CT47B1: variants seen among roughly 807,000 people sequenced by gnomAD.
CT47B1 encodes the protein cancer/testis antigen family 47 member B1.
A neutral mutation model predicts 12.8 loss-of-function variants in CT47B1; 24 were observed. The observed-to-expected ratio is 1.87, with a 90% CI of 1.36 to 2.63. CT47B1 has a LOEUF of 2.63. CT47B1 is among the 30% of genes most tolerant of loss of function. CT47B1 has a pLI of 0.00. For missense variants in CT47B1, 523 were observed against 271.3 expected (o/e 1.93, Z -6.52); for synonymous variants, 228 against 133.3 (o/e 1.71, Z -4.89).
Position 120,874,968 on chromosome X carries a change from TCTC to T in CT47B1, c.700_702del (p.Glu234del), listed in dbSNP as rs759769675. 1 of 1,199,588 alleles carries T rather than the reference TCTC, an allele frequency of 8.3e-7. No homozygotes were observed. The highest frequency in any genetic ancestry group is 1.1e-6 in the Non-Finnish European group (1 of 886,124). On this transcript the variant is annotated inframe_deletion, in exon 1 of 3. Transcript: ENST00000371311. The stretch of plus-strand genomic sequence containing the variant: ...TCCTCTGTGGCCTCCTCTGTGAGCT[TCTC>T]CTCTGCGGCCTCCTCTGGGGGTTTC...
Position 120,875,401 on chromosome X carries a change from C to T in CT47B1, c.270G>A (p.Ala90=), listed in dbSNP as rs768211619. The change falls in exon 1 of 3, where the codon GCG becomes GCA. Residue 90 remains alanine, a synonymous_variant. Transcript: ENST00000371311. ...CTTCCTCCTCCTCCTCTTCCTCCGT[C>T]GCGGGCCCGATATCTGAGTCCTCCT... ...SAEEDSDIGP[A]TEEEEEEEEG... The T allele has an allele frequency of 3.6e-5, 43 of 1,207,001 alleles. No individual in the cohort carries two copies. The highest frequency in any genetic ancestry group is 3.1e-4 in the African/African-American group (18 of 57,430).
chrX:120,874,705 G>C (rs1172930908), intron 1 of CT47B1, among the ~76,000 whole-genome samples, 191 bp downstream of exon 1: 1 of 110,993 alleles, frequency 9.0e-6, no homozygotes, highest in African/African-American at 3.3e-5. Context: ...TGTCATTAGA[G>C]AATTGGGCTT....
chrX:120,874,508 C>T (rs1923859619), intron 1 of CT47B1, among the ~76,000 whole-genome samples: 1 of 111,009 alleles, frequency 9.0e-6, no homozygotes, highest in African/African-American at 3.3e-5. Flanking sequence ...CTTTGAAAAG[C>T]CATGAACCAA....
intron 1 of CT47B1, among the ~76,000 whole-genome samples, chrX:120,874,655 T>C (rs1440039925): frequency 9.0e-6 from 1 of 110,752 alleles, no homozygotes. Context: ...CTATCAAATA[T>C]AGGTTGGTAG....
intron 1 of CT47B1, among the ~76,000 whole-genome samples, chrX:120,874,460 T>A (rs150574613): frequency 3.6e-5 from 4 of 111,103 alleles, no homozygotes; most frequent in African/African-American, 1.3e-4. Context: ...CTGTATCACT[T>A]CATCATTTGG....
At position 120,875,295 on chromosome X, in the gene CT47B1, A is replaced by G. The variant is rs202054160; in HGVS notation, c.376T>C (p.Tyr126His). ...PAAGIGFVFL[Y>H]LVHSLLRRLY... ...CGGCGGAGAAGGGAGTGGACCAGGT[A>G]CAGGAACACGAAGCCAATGCCCGCC... Residue 126 changes from tyrosine to histidine, a missense_variant, in exon 1 of 3, where the codon TAC becomes CAC. Physicochemically the swap from Tyr to His is moderately conservative, Grantham distance 83 (BLOSUM62 2). Transcript: ENST00000371311. 8.3e-7 allele frequency: 1 copy of G among 1,211,298 alleles called. No homozygotes were observed. Among genetic ancestry groups the G allele is most frequent in the South Asian group, 1.8e-5 (1 of 56,997 alleles).
Position 120,874,998 on chromosome X carries a change from C to G in CT47B1, c.673G>C (p.Glu225Gln), listed in dbSNP as rs1315400399. ...TCTGCGGCCTCCTCTGGGGGTTTCT[C>G]ATCTGCGGCCTCCTCCGCGGGCTCC... ...AREPAEEAAD[E>Q]KPPEEAAEEK... Residue 225 changes from glutamate to glutamine, a missense_variant, in exon 1 of 3, where the codon GAG becomes CAG. Glu to Gln is a conservative substitution (Grantham distance 29). Coordinates refer to ENST00000371311, the MANE Select transcript of CT47B1 (RefSeq NM_001145718.3). 3 of 1,210,259 alleles carry G rather than the reference C, an allele frequency of 2.5e-6. No homozygotes were observed. Among genetic ancestry groups the G allele is most frequent in the Non-Finnish European group, 3.4e-6 (3 of 894,845 alleles).
At position 120,874,900 on chromosome X, in the gene CT47B1, G is replaced by T. The variant is rs750850289; in HGVS notation, c.771C>A (p.Pro257=). 26 of 1,207,289 alleles carry T rather than the reference G, an allele frequency of 2.2e-5. No individual in the cohort carries two copies. The highest frequency in any genetic ancestry group is 2.7e-5 in the Non-Finnish European group (24 of 894,297). Residue 257 remains proline (P), a synonymous_variant, in exon 1 of 3, where the codon CCC becomes CCA. Coordinates refer to ENST00000371311, the MANE Select transcript of CT47B1 (RefSeq NM_001145718.3). ...EEPTSEEAVA[P]EEVTKSQPEK... ...TGCTGCCGCTAGCCCCCTTACCCTC[G>T]GGGGCCACGGCCTCCTCTGAGGTCG...
Position 120,875,062 on chromosome X carries a change from T to C in CT47B1, c.609A>G (p.Pro203=). The C allele has an allele frequency of 8.3e-7, 1 of 1,209,713 alleles. No homozygotes were observed. The highest frequency in any genetic ancestry group is 1.1e-6 in the Non-Finnish European group (1 of 894,746). Residue 203 remains proline, a synonymous_variant, in exon 1 of 3, where the codon CCA becomes CCG. Transcript: ENST00000371311. ...CCAGGTCAGCTGGCACTGCAGGCTCTGGGACCGACGCGGCCTCCTGGACCG... is the reference window on the plus strand; with the variant it reads ...CCAGGTCAGCTGGCACTGCAGGCTCCGGGACCGACGCGGCCTCCTGGACCG... ...AASVQEAASV[P]EPAVPADLAE...
In CT47B1 at chrX:120,875,194, C is replaced by G; in HGVS notation, c.477G>C (p.Val159=). The change falls in exon 1 of 3, where the codon GTG becomes GTC. Residue 159 remains valine (V), a synonymous_variant. Coordinates refer to ENST00000371311, the MANE Select transcript of CT47B1 (RefSeq NM_001145718.3). Reference sequence around the variant, plus strand: ...GGGGAGGGTTGTCCCAGAGGTTGGGCACAGCAGCGTGGGGCCCCACCATCA... The same window carrying G: ...GGGGAGGGTTGTCCCAGAGGTTGGGGACAGCAGCGTGGGGCCCCACCATCA... The part of the protein sequence containing the change: ...SRLMVGPHAA[V]PNLWDNPPLL... The G allele has an allele frequency of 8.3e-7, 1 of 1,211,236 alleles. No homozygotes were observed. The highest frequency in any genetic ancestry group is 1.1e-6 in the Non-Finnish European group (1 of 894,900).
Position 120,875,474 on chromosome X carries a change from C to A in CT47B1, c.197G>T (p.Gly66Val). ...TGCGGCCAGGCCTGCCGCCTGCTCA[C>A]CCTCCTCCTCCCCGAGGCCTTCCAC... ...GPVEGLGEEEGEQAAGLAAVP... is the reference protein window; with the variant it reads ...GPVEGLGEEEVEQAAGLAAVP... The change falls in exon 1 of 3, where the codon GGT becomes GTT. Residue 66 changes from glycine to valine, a missense_variant. Physicochemically the swap from Gly to Val is moderately radical, Grantham distance 109. Transcript: ENST00000371311. 1 of 1,203,446 alleles carries A rather than the reference C, an allele frequency of 8.3e-7. No individual in the cohort carries two copies. Among genetic ancestry groups the A allele is most frequent in the Non-Finnish European group, 1.1e-6 (1 of 894,159 alleles).
rs777275990 is a variant in CT47B1, at chrX:120,875,347, C to T, written c.324G>A (p.Leu108=). Residue 108 remains leucine, a synonymous_variant, in exon 1 of 3, where the codon TTG becomes TTA. Coordinates refer to ENST00000371311, the MANE Select transcript of CT47B1 (RefSeq NM_001145718.3). The part of the protein sequence containing the change: ...EEGNEAANFD[L]AVATRRYPAA... ...CCGGGTACCGACGGGTGGCCACCGCCAAGTCGAAGTTGGCCGCCTCGTTCC... is the reference window on the plus strand; with the variant it reads ...CCGGGTACCGACGGGTGGCCACCGCTAAGTCGAAGTTGGCCGCCTCGTTCC... 12 of 1,209,356 alleles carry T rather than the reference C, an allele frequency of 9.9e-6. No individual in the cohort carries two copies. The Admixed American group carries it at 2.4e-4, about 24-fold the overall frequency.
In CT47B1 at chrX:120,875,090, G is replaced by A. The variant is rs763219390; in HGVS notation, c.581C>T (p.Ala194Val). The change falls in exon 1 of 3, where the codon GCG becomes GTG. Residue 194 changes from alanine to valine, a missense_variant. Coordinates refer to ENST00000371311, the MANE Select transcript of CT47B1 (RefSeq NM_001145718.3). ...GACCGACGCGGCCTCCTGGACCGAC[G>A]CAGCCTCCTGGATCAGGCCGAGGCC... ...GEGLGLIQEA[A>V]SVQEAASVPE... 1.9e-5 allele frequency: 23 copies of A among 1,208,098 alleles called. No homozygotes were observed. The South Asian group carries it at 2.5e-4, about 13-fold the overall frequency.
rs1477304787 is a variant in CT47B1 at position 120,875,537 on chromosome X, A to G, written c.134T>C (p.Met45Thr). 8.4e-7 allele frequency: 1 copy of G among 1,193,190 alleles called. No individual in the cohort carries two copies. The highest frequency in any genetic ancestry group is 3.0e-5 in the East Asian group (1 of 33,458). ...GGDSGPDSSDMVPAAEVVGVA... is the reference protein window; with the variant it reads ...GGDSGPDSSDTVPAAEVVGVA... ...TCCGACCACCTCGGCCGCAGGCACCATGTCGCTGCTGTCGGGGCCGGAGTC... is the reference window on the plus strand; with the variant it reads ...TCCGACCACCTCGGCCGCAGGCACCGTGTCGCTGCTGTCGGGGCCGGAGTC... The change falls in exon 1 of 3, where the codon ATG becomes ACG. Residue 45 changes from methionine (M) to threonine (T), a missense_variant. Physicochemically the swap from Met to Thr is moderately conservative, Grantham distance 81 (BLOSUM62 -1). Transcript: ENST00000371311.
Position 120,875,224 on chromosome X carries a change from G to C in CT47B1, c.447C>G (p.Ser149Arg), listed in dbSNP as rs748541503. Residue 149 changes from serine (S) to arginine (R), a missense_variant, in exon 1 of 3, where the codon AGC (serine) becomes AGG (arginine). By Grantham distance (110) the Ser-to-Arg change is moderately radical. Coordinates refer to ENST00000371311, the MANE Select transcript of CT47B1 (RefSeq NM_001145718.3). ...DHIQIANRHLSRLMVGPHAAV... is the reference protein window; with the variant it reads ...DHIQIANRHLRRLMVGPHAAV... ...CAGCGTGGGGCCCCACCATCAGGCG[G>C]CTGAGGTGACGGTTCGCTATCTGGA... 5.0e-6 allele frequency: 6 copies of C among 1,210,299 alleles called. No individual in the cohort carries two copies. In the African/African-American group the frequency reaches 1.0e-4, roughly 21 times the overall value.
At position 120,874,993 on chromosome X, in the gene CT47B1, T is replaced by A; in HGVS notation, c.678A>T (p.Lys226Asn). ...TCTCCTCTGCGGCCTCCTCTGGGGG[T>A]TTCTCATCTGCGGCCTCCTCCGCGG... ...REPAEEAADEKPPEEAAEEKL... is the reference protein window; with the variant it reads ...REPAEEAADENPPEEAAEEKL... The change falls in exon 1 of 3, where the codon AAA becomes AAT. Residue 226 changes from lysine to asparagine, a missense_variant. Transcript: ENST00000371311. The A allele has an allele frequency of 8.3e-7, 1 of 1,208,938 alleles. No homozygotes were observed. Among genetic ancestry groups the A allele is most frequent in the African/African-American group, 1.7e-5 (1 of 57,455 alleles).
At position 120,875,548 on chromosome X, in the gene CT47B1, G is replaced by C. The variant is rs770931566; in HGVS notation, c.123C>G (p.Asp41Glu). 1.3e-5 allele frequency: 15 copies of C among 1,191,925 alleles called. No individual in the cohort carries two copies. Among genetic ancestry groups the C allele is most frequent in the Non-Finnish European group, 1.7e-5 (15 of 892,891 alleles). ...GNQEGGDSGP[D>E]SSDMVPAAEV... is the part of the protein sequence containing the mutation. Reference sequence around the variant, plus strand: ...CGGCCGCAGGCACCATGTCGCTGCTGTCGGGGCCGGAGTCGCCGCCCTCCT... The same window carrying C: ...CGGCCGCAGGCACCATGTCGCTGCTCTCGGGGCCGGAGTCGCCGCCCTCCT... The change falls in exon 1 of 3, where the codon GAC (aspartate) becomes GAG (glutamate). Residue 41 changes from aspartate (D) to glutamate (E), a missense_variant. Transcript: ENST00000371311.
At position 120,875,006 on chromosome X, in the gene CT47B1, GCCT is replaced by G; in HGVS notation, c.662_664del (p.Glu221del). ...CTCCTCTGGGGGTTTCTCATCTGCGGCCTCCTCCGCGGGCTCCCTGGCCATCTC... is the reference window on the plus strand; with the variant it reads ...CTCCTCTGGGGGTTTCTCATCTGCGGCCTCCGCGGGCTCCCTGGCCATCTC... On this transcript the variant is annotated inframe_deletion, in exon 1 of 3. Transcript: ENST00000371311. The G allele has an allele frequency of 1.7e-6, 2 of 1,210,038 alleles. No homozygotes were observed. The highest frequency in any genetic ancestry group is 2.8e-4 in the Middle Eastern group (1 of 3,562).
rs755596689 is a variant in CT47B1 at position 120,875,211 on chromosome X, C to T, written c.460G>A (p.Gly154Arg). 8.1e-5 allele frequency: 98 copies of T among 1,210,127 alleles called. No homozygotes were observed. Among genetic ancestry groups the T allele is most frequent in the Non-Finnish European group, 1.1e-4 (97 of 894,699 alleles). Reference sequence around the variant, plus strand: ...AGGTTGGGCACAGCAGCGTGGGGCCCCACCATCAGGCGGCTGAGGTGACGG... The same window carrying T: ...AGGTTGGGCACAGCAGCGTGGGGCCTCACCATCAGGCGGCTGAGGTGACGG... ...ANRHLSRLMV[G>R]PHAAVPNLWD... The change falls in exon 1 of 3, where the codon GGG becomes AGG. Residue 154 changes from glycine (G) to arginine (R), a missense_variant. By Grantham distance (125) the Gly-to-Arg change is moderately radical (BLOSUM62 -2). Transcript: ENST00000371311.
Sources: allele counts gnomAD v4.1 joint callset (sites outside exome capture counted in the v4.1 genomes callset), GRCh38; gene constraint gnomAD v4.1.1; transcripts MANE v1.5; gene names NCBI Gene and HGNC (gene_info 2026-07-23, HGNC 2026-07-21).